The following SMARCC1 variants were observed in gnomAD, a reference collection of about 807,000 sequenced individuals.
SMARCC1 encodes SWI/SNF complex subunit SMARCC1.
In SMARCC1, 43 loss-of-function variants were observed where a neutral mutation model predicts 147.4. The observed-to-expected ratio is 0.29, with a 90% CI of 0.23 to 0.38. The LOEUF (loss-of-function observed/expected upper bound fraction) is 0.38. Among genes scored for constraint, SMARCC1 ranks in the 10% least tolerant of loss-of-function variants. The probability of loss-of-function intolerance (pLI) is 1.00; values close to 1 mark genes in which losing one functional copy is unlikely to be tolerated. For missense variants in SMARCC1, 1,119 were observed against 1,381.1 expected (o/e 0.81, Z 3.01); for synonymous variants, 495 against 484.4 (o/e 1.02, Z -0.29).
At chr3:47,699,568 A>G (rs1384316128) in intron 11 of SMARCC1, among the ~76,000 whole-genome samples, 1 of 152,052 alleles carries the variant, frequency 6.6e-6, no homozygotes, top group Non-Finnish European at 1.5e-5. Flanking sequence ...CATCTTATAC[A>G]TATGTATATT....
intron 14 of SMARCC1, among the ~76,000 whole-genome samples, chr3:47,682,938 A>G (rs1445393719): frequency 1.3e-5 from 2 of 152,266 alleles, no homozygotes; most frequent in African/African-American, 4.8e-5. Context: ...AAATAATTAA[A>G]GAGAGTAACA....
At chr3:47,742,405 T>C (rs1421033485) in intron 3 of SMARCC1, among the ~76,000 whole-genome samples, 1 of 152,208 alleles carries the variant, frequency 6.6e-6, no homozygotes, top group Non-Finnish European at 1.5e-5. Flanking sequence ...AATCTCTCCT[T>C]TGGGAGATCC....
intron 2 of SMARCC1, among the ~76,000 whole-genome samples, chr3:47,751,045 G>A (rs560565231): frequency 9.7e-4 from 148 of 151,904 alleles, no homozygotes; most frequent in Middle Eastern, 6.8e-3. Flanking sequence ...TTACAGACAC[G>A]TGCCACCACG....
chr3:47,684,696 G>A (rs1443207189), intron 14 of SMARCC1, among the ~76,000 whole-genome samples: 1 of 152,010 alleles, frequency 6.6e-6, no homozygotes, highest in Non-Finnish European at 1.5e-5. Context: ...GCCCACCTCG[G>A]CCTCCCAAAG....
chr3:47,765,679 G>C (rs1311154306), intron 2 of SMARCC1, among the ~76,000 whole-genome samples: 3 of 151,874 alleles, frequency 2.0e-5, no homozygotes. Context: ...TACAACAGCA[G>C]AGTGAAATCA....
intron 22 of SMARCC1, among the ~76,000 whole-genome samples, chr3:47,637,347 A>G (rs2032984562): frequency 6.6e-6 from 1 of 152,150 alleles, no homozygotes; most frequent in African/African-American, 2.4e-5. Context: ...AAGACCTTCA[A>G]TCTTGGCTTA....
intron 21 of SMARCC1, among the ~76,000 whole-genome samples, chr3:47,657,582 G>A (rs1314084859): frequency 6.6e-6 from 1 of 152,134 alleles, no homozygotes; most frequent in Non-Finnish European, 1.5e-5. Context: ...TGGATCACCT[G>A]AGGTCAGGAG....
intron 7 of SMARCC1, among the ~76,000 whole-genome samples, chr3:47,717,772 GC>G (rs1381471720): frequency 6.6e-6 from 1 of 151,900 alleles, no homozygotes; most frequent in Non-Finnish European, 1.5e-5. Context: ...TCACCACGTT[GC>G]CCAAGGTGGT....
chr3:47,648,296 T>C (rs2033144205), intron 21 of SMARCC1, among the ~76,000 whole-genome samples: 1 of 152,050 alleles, frequency 6.6e-6, no homozygotes, highest in Non-Finnish European at 1.5e-5. Flanking sequence ...CACCCGGCCT[T>C]ATAAACCTCT....
intron 21 of SMARCC1, among the ~76,000 whole-genome samples, chr3:47,659,766 G>GGGC (rs1187876991): frequency 1.6e-5 from 2 of 123,458 alleles, no homozygotes; most frequent in Non-Finnish European, 3.4e-5. Context: ...AAAAAGGGGG[G>GGGC]GGGGGCAAGA....
At chr3:47,655,453 T>C (rs1293428226) in intron 21 of SMARCC1, among the ~76,000 whole-genome samples, 2 of 151,418 alleles carry the variant, frequency 1.3e-5, no homozygotes, top group Admixed American at 1.3e-4. Context: ...TCCCAGCACT[T>C]TGGGAGGCTG....
At chr3:47,637,205 T>C (rs1456524429) in intron 22 of SMARCC1, among the ~76,000 whole-genome samples, 1 of 152,186 alleles carries the variant, frequency 6.6e-6, no homozygotes, top group African/African-American at 2.4e-5. Context: ...GAGACTCTTT[T>C]AGGAATTAAA....
chr3:47,671,392 G>A (rs966796475), intron 18 of SMARCC1, among the ~76,000 whole-genome samples: 1 of 152,096 alleles, frequency 6.6e-6, no homozygotes, highest in African/African-American at 2.4e-5. Flanking sequence ...ATAACTTGAA[G>A]AGACTACTTC....
intron 3 of SMARCC1, among the ~76,000 whole-genome samples, chr3:47,742,495 T>A (rs1576428181): frequency 6.6e-6 from 1 of 152,250 alleles, no homozygotes; most frequent in African/African-American, 2.4e-5. Flanking sequence ...CAAAGTTTTA[T>A]CCTTCAGGAG....
At chr3:47,588,365 A>G (rs1202050362) in intron 27 of SMARCC1, 59 bp from the exon 28 acceptor site, 4 of 1,501,534 alleles carry the variant, frequency 2.7e-6, no homozygotes, top group Non-Finnish European at 3.7e-6. Flanking sequence ...CTCAGGAAAG[A>G]GCCTATTCAG....
At chr3:47,702,613 T>G (rs2033937528) in intron 10 of SMARCC1, among the ~76,000 whole-genome samples, 1 of 152,122 alleles carries the variant, frequency 6.6e-6, no homozygotes, top group Admixed American at 6.6e-5. Context: ...AAAATTTAAA[T>G]TTTAAGACAG....
rs778383062 is a variant in SMARCC1, at chr3:47,633,775, T to TACACAC, written c.2646+1414_2646+1415insGTGTGT. On this transcript the variant is annotated intron_variant, in intron 24 of 27. Transcript: ENST00000254480. The stretch of plus-strand genomic sequence containing the variant: ...AAAAAAAAAAAAAAATATATATATA[T>TACACAC]ATATACACACACACACACACACACA... Among the ~76,000 whole-genome samples the TACACAC allele has an allele frequency of 2.2e-3, 41 of 18,628 alleles. 1 individual carries two copies. The highest frequency in any genetic ancestry group is 3.9e-3 in the African/African-American group (41 of 10,554). The allele number at this position is 18,628 out of a possible 152,430, so 12.2% of individuals were successfully genotyped here.
Position 47,588,189 on chromosome 3 carries a change from G to A in SMARCC1, c.*20C>T. The A allele has an allele frequency of 1.3e-6, 2 of 1,590,314 alleles. No homozygotes were observed. Among genetic ancestry groups the A allele is most frequent in the Non-Finnish European group, 1.7e-6 (2 of 1,159,880 alleles). On this transcript the variant is annotated 3_prime_UTR_variant, in exon 28 of 28. Transcript: ENST00000254480. The stretch of plus-strand genomic sequence containing the variant: ...TCCAGCTCATGGTGGTGGGCGTGGA[G>A]GTTCCCTGCATCTTCCAGGCTAAGG...
intron 2 of SMARCC1, among the ~76,000 whole-genome samples, chr3:47,762,781 G>A (rs2034789195): frequency 2.0e-5 from 3 of 151,982 alleles, no homozygotes; most frequent in Non-Finnish European, 4.4e-5. Context: ...AATTAGCCAG[G>A]TGTGGCTGGG....
Sources: allele counts gnomAD v4.1 joint callset (sites outside exome capture counted in the v4.1 genomes callset), GRCh38; gene constraint gnomAD v4.1.1; transcripts MANE v1.5; gene names NCBI Gene and HGNC (gene_info 2026-07-23, HGNC 2026-07-21).